CNGA4: variants seen among roughly 807,000 people sequenced by gnomAD.
The protein encoded by CNGA4 is cyclic nucleotide gated channel subunit alpha 4.
A neutral mutation model predicts 45.6 loss-of-function variants in CNGA4; 32 were observed. That is an observed-to-expected ratio of 0.70 (90% CI 0.53 to 0.94). The LOEUF is 0.94. Ranked by LOEUF, CNGA4 falls within the 40% of genes least tolerant of loss-of-function variation. The pLI is 0.00. For missense variants in CNGA4, 726 were observed against 755.1 expected (o/e 0.96, Z 0.45); for synonymous variants, 293 against 304.6 (o/e 0.96, Z 0.40).
upstream of CNGA4, among the ~76,000 whole-genome samples, chr11:6,235,342 G>C (rs980562936): frequency 6.6e-5 from 10 of 152,192 alleles, no homozygotes; most frequent in Non-Finnish European, 1.2e-4. Context: ...TGAGCACTTA[G>C]TCAAGGAACA....
In CNGA4 at chr11:6,244,177, G is replaced by C. The variant is rs751158466; in HGVS notation, c.1496G>C (p.Gly499Ala). ...GAGGCCACAGAGTCCCGGCTACGAGGCCTAGACCAGCAGCTGGATGATCTA... is the reference window on the plus strand; with the variant it reads ...GAGGCCACAGAGTCCCGGCTACGAGCCCTAGACCAGCAGCTGGATGATCTA... ...LQEATESRLR[G>A]LDQQLDDLQT... Residue 499 changes from glycine (G) to alanine (A), a missense_variant, in exon 6 of 6, where the codon GGC (glycine) becomes GCC (alanine). Transcript: ENST00000379936. The surrounding 1 kb of genome is among the most constrained non-coding windows in gnomAD (Gnocchi z 4.5). 5.0e-6 allele frequency: 8 copies of C among 1,614,080 alleles called. No homozygotes were observed. In the African/African-American group the frequency reaches 1.1e-4, roughly 22 times the overall value.
chr11:6,243,894 G>T, intron 5 of CNGA4, 55 bp from the exon 6 acceptor site: 1 of 1,522,854 alleles, frequency 6.6e-7, no homozygotes. Flanking sequence ...GGAGTGAAAT[G>T]CCACCTCCTC....
In CNGA4 at chr11:6,241,646, A is replaced by G. The variant is rs764748529; in HGVS notation, c.1133A>G (p.Lys378Arg). 3 of 1,614,186 alleles carry G rather than the reference A, an allele frequency of 1.9e-6. No individual in the cohort carries two copies. Among genetic ancestry groups the G allele is most frequent in the Non-Finnish European group, 1.7e-6 (2 of 1,180,034 alleles). ...TCACCAGGTGAATATGTATGCCGCA[A>G]AGGAGACATTGGCCAAGAGATGTAC... ...TYSPGEYVCR[K>R]GDIGQEMYII... The change falls in exon 5 of 6, where the codon AAA becomes AGA. Residue 378 changes from lysine to arginine, a missense_variant. Transcript: ENST00000379936.
At chr11:6,239,947 G>C (rs1271614537) in intron 3 of CNGA4, 119 bp from the exon 4 acceptor site, 2 of 1,416,784 alleles carry the variant, frequency 1.4e-6, no homozygotes, top group Admixed American at 4.1e-5. Flanking sequence ...GCCGGGAGCA[G>C]AGTTATGCCT....
At position 6,244,282 on chromosome 11, in the gene CNGA4, G is replaced by A. The variant is rs1349875575; in HGVS notation, c.1601G>A (p.Trp534Ter). 3.1e-6 allele frequency: 5 copies of A among 1,614,150 alleles called. No individual in the cohort carries two copies. Among genetic ancestry groups the A allele is most frequent in the Non-Finnish European group, 4.2e-6 (5 of 1,180,014 alleles). Reference sequence around the variant, plus strand: ...GCTTACCGCATTGAACGGCTGGAGTGGCAGACTCGAGAGTGGCCAATGCCC... The same window carrying A: ...GCTTACCGCATTGAACGGCTGGAGTAGCAGACTCGAGAGTGGCCAATGCCC... ...KIAYRIERLE[W>*]QTREWPMPED... Residue 534 changes from tryptophan to a stop codon, truncating the protein, a stop_gained, in exon 6 of 6, where the codon TGG becomes TAG. Transcript: ENST00000379936. LOFTEE classifies it low-confidence loss of function (END_TRUNC). The surrounding 1 kb of genome is among the most constrained non-coding windows in gnomAD (Gnocchi z 4.5).
Position 6,240,209 on chromosome 11 carries a change from C to T in CNGA4, c.415C>T (p.Leu139=), listed in dbSNP as rs150095494. ...YVRLGPHTPT[L]RLNRFLRAPR... Reference sequence around the variant, plus strand: ...GCGGCTGGGCCCGCACACACCCACCCTGAGGCTGAACCGCTTTCTCCGCGC... The same window carrying T: ...GCGGCTGGGCCCGCACACACCCACCTTGAGGCTGAACCGCTTTCTCCGCGC... Residue 139 remains leucine, a synonymous_variant, in exon 4 of 6, where the codon CTG becomes TTG. Transcript: ENST00000379936. The surrounding 1 kb of genome is among the most constrained non-coding windows in gnomAD (Gnocchi z 4.9). The T allele has an allele frequency of 6.8e-5, 109 of 1,614,250 alleles. No homozygotes were observed. In the African/African-American group the frequency reaches 1.2e-3, roughly 17 times the overall value.
rs371844210 is a variant in CNGA4 at position 6,244,113 on chromosome 11, T to C, written c.1432T>C (p.Leu478=). 25 of 1,613,998 alleles carry C rather than the reference T, an allele frequency of 1.5e-5. No homozygotes were observed. Among genetic ancestry groups the C allele is most frequent in the South Asian group, 2.2e-5 (2 of 91,092 alleles). The stretch of plus-strand genomic sequence containing the variant: ...TGAGATCCTGCTGAAAATGAACAAG[T>C]TGGACGTGAATGCTGAGGCAGCTGA... ...GREILLKMNK[L]DVNAEAAEIA... is the part of the protein sequence containing the mutation. The change falls in exon 6 of 6, where the codon TTG becomes CTG. Residue 478 remains leucine (L), a synonymous_variant. Transcript: ENST00000379936. The surrounding 1 kb of genome is among the most constrained non-coding windows in gnomAD (Gnocchi z 4.5).
chr11:6,238,605 T>G (rs1553746), upstream of CNGA4, among the ~76,000 whole-genome samples: 104,457 of 151,952 alleles, frequency 0.69, 38,240 homozygotes, highest in East Asian at 0.95. Flanking sequence ...CCTATGAGAA[T>G]GGTGTGATGG....
upstream of CNGA4, chr11:6,238,950 C>T (rs1007235322): frequency 9.4e-7 from 1 of 1,058,346 alleles, no homozygotes; most frequent in Non-Finnish European, 1.3e-6. Context: ...CCAGGGATCT[C>T]ATTAGAGGTG....
upstream of CNGA4, chr11:6,234,951 GA>G: frequency 6.5e-6 from 1 of 153,462 alleles, no homozygotes; most frequent in Non-Finnish European, 1.5e-5. Context: ...CGGAGCCCGG[GA>G]AGGAAAGGTG....
At chr11:6,244,913 T>G (rs1847971861), downstream of CNGA4, among the ~76,000 whole-genome samples, 1 of 152,176 alleles carries the variant, frequency 6.6e-6, no homozygotes, top group Non-Finnish European at 1.5e-5. This position sits in a 1 kb window ranked among gnomAD's most constrained non-coding sequence, Gnocchi z 4.5. Context: ...ATGTTTCCCA[T>G]ATGGGCGATT....
At chr11:6,239,554 G>T (rs1847880135) in intron 2 of CNGA4, 69 bp downstream of exon 2, 1 of 1,576,908 alleles carries the variant, frequency 6.3e-7, no homozygotes, top group East Asian at 2.2e-5. Flanking sequence ...AAGGAGAAGG[G>T]CAGACCCTTG....
At chr11:6,244,893 T>C (rs1847971662), downstream of CNGA4, among the ~76,000 whole-genome samples, 1 of 152,226 alleles carries the variant, frequency 6.6e-6, no homozygotes, top group Non-Finnish European at 1.5e-5. The surrounding 1 kb of genome is among the most constrained non-coding windows in gnomAD (Gnocchi z 4.5). Context: ...AGGTCTAAGA[T>C]GTCTTTTGAA....
rs759955658 is a variant in CNGA4, at chr11:6,239,709, G to A, written c.190G>A (p.Gly64Ser). The A allele has an allele frequency of 1.5e-5, 24 of 1,613,974 alleles. No individual in the cohort carries two copies. Among genetic ancestry groups the A allele is most frequent in the Non-Finnish European group, 1.9e-5 (22 of 1,179,998 alleles). Reference protein sequence around the residue: ...CRACFPDLQHGYLVAWLVLDY... With the variant: ...CRACFPDLQHSYLVAWLVLDY... ...AGCCTGCTTCCCCGACTTGCAGCAC[G>A]GTTATCTGGTGGCCTGGTTGGTGCT... Residue 64 changes from glycine (G) to serine (S), a missense_variant, in exon 3 of 6, where the codon GGT becomes AGT. By Grantham distance (56) the Gly-to-Ser change is moderately conservative. Transcript: ENST00000379936.
downstream of CNGA4, among the ~76,000 whole-genome samples, chr11:6,244,807 T>C (rs1476268795): frequency 6.6e-6 from 1 of 152,204 alleles, no homozygotes; most frequent in Non-Finnish European, 1.5e-5. This position sits in a 1 kb window ranked among gnomAD's most constrained non-coding sequence, Gnocchi z 4.5. Flanking sequence ...CTGACAGTCA[T>C]ACACTGATAG....
intron 5 of CNGA4, among the ~76,000 whole-genome samples, chr11:6,243,673 C>A (rs1847948482): frequency 6.6e-6 from 1 of 152,172 alleles, no homozygotes; most frequent in South Asian, 2.1e-4. Context: ...TTCCACAGCA[C>A]CTGATGAACA....
intron 2 of CNGA4, 26 bp from the exon 3 acceptor site, chr11:6,239,658 C>A: frequency 6.2e-7 from 1 of 1,610,518 alleles, no homozygotes; most frequent in South Asian, 1.1e-5. Flanking sequence ...GCCCTTAATT[C>A]AATCATGCTT....
rs151091086 is a variant in CNGA4 at position 6,244,390 on chromosome 11, G to A, written c.1709G>A (p.Gly570Glu). The part of the protein sequence containing the change: ...KDEEGRASQE[G>E]PPGPE The stretch of plus-strand genomic sequence containing the variant: ...GAAGAGGGCAGGGCCAGCCAGGAGG[G>A]ACCCCCAGGTCCAGAGTGACCCCAT... Residue 570 changes from glycine to glutamate, a missense_variant, in exon 6 of 6, where the codon GGA becomes GAA. By Grantham distance (98) the Gly-to-Glu change is moderately conservative. Transcript: ENST00000379936. This position sits in a 1 kb window ranked among gnomAD's most constrained non-coding sequence, Gnocchi z 4.5. The A allele has an allele frequency of 2.5e-4, 398 of 1,611,912 alleles. No individual in the cohort carries two copies. Among genetic ancestry groups the A allele is most frequent in the Non-Finnish European group, 3.0e-4 (355 of 1,179,114 alleles).
In CNGA4 at chr11:6,239,495, C is replaced by A. The variant is rs761869980; in HGVS notation, c.164+10C>A. ...TCATCCTCGTGTGCAGGTATGGCAGCGGTGCTAAGGGAGGGGCTGGAAGCC... is the reference window on the plus strand; with the variant it reads ...TCATCCTCGTGTGCAGGTATGGCAGAGGTGCTAAGGGAGGGGCTGGAAGCC... On this transcript the variant is annotated intron_variant, in intron 2 of 5. Coordinates refer to ENST00000379936, the MANE Select transcript of CNGA4 (RefSeq NM_001037329.4). 4 of 1,613,182 alleles carry A rather than the reference C, an allele frequency of 2.5e-6. No homozygotes were observed. In the East Asian group the frequency reaches 6.7e-5, roughly 27 times the overall value.
Sources: allele counts gnomAD v4.1 joint callset (sites outside exome capture counted in the v4.1 genomes callset), GRCh38; gene constraint gnomAD v4.1.1; non-coding constraint Gnocchi (gnomAD v3.1); transcripts MANE v1.5; gene names NCBI Gene and HGNC (gene_info 2026-07-23, HGNC 2026-07-21).